ZNF532: variants seen among roughly 807,000 people sequenced by gnomAD.
The protein encoded by ZNF532 is zinc finger protein 532.
ZNF532 carries 22 observed loss-of-function variants against 89.3 expected under a neutral mutation model. That is an observed-to-expected ratio of 0.25 (90% CI 0.18 to 0.35). The LOEUF (loss-of-function observed/expected upper bound fraction) is 0.35, where lower values mean the gene tolerates loss of function less well. Among genes scored for constraint, ZNF532 ranks in the 10% least tolerant of loss-of-function variants. ZNF532 has a pLI of 1.00. For missense variants in ZNF532, 1,132 were observed against 1,643.4 expected (o/e 0.69, Z 5.38); for synonymous variants, 606 against 649.6 (o/e 0.93, Z 1.02).
chr18:58,972,265 T>C (rs1247806678), intron 7 of ZNF532, among the ~76,000 whole-genome samples: 2 of 150,646 alleles, frequency 1.3e-5, no homozygotes, highest in Admixed American at 6.6e-5. Context: ...TGAAAAAGAA[T>C]TAGTTTGAAA....
intron 5 of ZNF532, among the ~76,000 whole-genome samples, chr18:58,947,022 C>T (rs570611028): frequency 6.6e-6 from 1 of 152,234 alleles, no homozygotes; most frequent in African/African-American, 2.4e-5. Context: ...GGTAAAACCT[C>T]AACTTCTCTC....
At chr18:58,873,989 A>G (rs1016542618) in intron 2 of ZNF532, among the ~76,000 whole-genome samples, 4 of 137,502 alleles carry the variant, frequency 2.9e-5, no homozygotes, top group African/African-American at 1.2e-4. Context: ...TTAAATGCAT[A>G]TATAAAGTGT....
intron 3 of ZNF532, among the ~76,000 whole-genome samples, chr18:58,922,191 A>G (rs1291837523): frequency 6.6e-6 from 1 of 152,072 alleles, no homozygotes; most frequent in African/African-American, 2.4e-5. Context: ...ACATCTCTAT[A>G]AAGATTTAAC....
chr18:58,913,368 C>T (rs890950120), intron 2 of ZNF532, among the ~76,000 whole-genome samples: 6 of 152,076 alleles, frequency 3.9e-5, no homozygotes, highest in Admixed American at 1.3e-4. Context: ...TGAAACATTA[C>T]GTAATATAAA....
chr18:58,864,209 C>T (rs1000579530), upstream of ZNF532: 1 of 152,332 alleles, frequency 6.6e-6, no homozygotes, highest in Non-Finnish European at 1.5e-5. Context: ...TTGGACTTCT[C>T]CCCCCAGGTG....
chr18:58,958,555 G>A (rs2065026460), intron 7 of ZNF532, among the ~76,000 whole-genome samples: 1 of 152,172 alleles, frequency 6.6e-6, no homozygotes, highest in Admixed American at 6.5e-5. Flanking sequence ...CAAGTTGTAT[G>A]TCCATTTTAT....
chr18:58,894,270 G>A (rs553083396), intron 2 of ZNF532, among the ~76,000 whole-genome samples: 4 of 152,184 alleles, frequency 2.6e-5, no homozygotes, highest in African/African-American at 9.6e-5. Flanking sequence ...TTTGAGACCA[G>A]CCCGGCTAAC....
chr18:58,965,437 C>A (rs1206514040), intron 7 of ZNF532, among the ~76,000 whole-genome samples: 2 of 152,248 alleles, frequency 1.3e-5, no homozygotes, highest in Non-Finnish European at 2.9e-5. Flanking sequence ...AGCCCAGACT[C>A]TGCAGTTTGC....
chr18:58,961,929 G>A (rs780059714), intron 7 of ZNF532, among the ~76,000 whole-genome samples: 6 of 152,098 alleles, frequency 3.9e-5, no homozygotes, highest in Non-Finnish European at 8.8e-5. Context: ...TGGAATAGAA[G>A]GGATTCTAGG....
rs1462195600 is a variant in ZNF532, at chr18:58,984,677, G to A, written c.*211G>A. 5 of 490,502 alleles carry A rather than the reference G, an allele frequency of 1.0e-5. No individual in the cohort carries two copies. Among genetic ancestry groups the A allele is most frequent in the Non-Finnish European group, 1.7e-5 (5 of 287,832 alleles). 30.4% of individuals were successfully genotyped at this position (490,502 alleles called of 1,614,324 possible). A position where few individuals can be genotyped will look rare whatever the true frequency, so the allele number is the denominator to read the frequency against. ...TAAAAGAGTTTGTATATATTTAAATGAATAACTTTTTATACTCTTTGTTAC... is the reference window on the plus strand; with the variant it reads ...TAAAAGAGTTTGTATATATTTAAATAAATAACTTTTTATACTCTTTGTTAC... On this transcript the variant is annotated 3_prime_UTR_variant, in exon 10 of 10. Coordinates refer to ENST00000591808, the MANE Select transcript of ZNF532 (RefSeq NM_001375912.1).
chr18:58,947,605 G>A (rs908808157), intron 5 of ZNF532, among the ~76,000 whole-genome samples: 9 of 152,006 alleles, frequency 5.9e-5, no homozygotes, highest in Non-Finnish European at 1.3e-4. Context: ...ATGTAAAATT[G>A]CTACTGACTC....
chr18:58,867,474 A>G (rs1410412844), intron 2 of ZNF532, among the ~76,000 whole-genome samples: 1 of 152,070 alleles, frequency 6.6e-6, no homozygotes, highest in African/African-American at 2.4e-5. Context: ...GCTGAGGTAT[A>G]ACAATGTAGC....
chr18:58,899,183 C>T (rs528067376), intron 2 of ZNF532, among the ~76,000 whole-genome samples: 74 of 152,300 alleles, frequency 4.9e-4, no homozygotes, highest in Non-Finnish European at 2.9e-4. Flanking sequence ...TTCACTCCAG[C>T]GTGGACTTCT....
intron 8 of ZNF532, chr18:58,981,267 T>C: frequency 1.6e-6 from 1 of 628,168 alleles, no homozygotes; most frequent in East Asian, 2.8e-5. Flanking sequence ...ATATTTTCCC[T>C]TTAAAATTAA....
intron 3 of ZNF532, among the ~76,000 whole-genome samples, chr18:58,930,850 A>G (rs1410224814): frequency 6.6e-6 from 1 of 151,982 alleles, no homozygotes; most frequent in Non-Finnish European, 1.5e-5. Context: ...GTTATACTGG[A>G]TTTTTTATTG....
intron 2 of ZNF532, among the ~76,000 whole-genome samples, chr18:58,893,917 C>A (rs528019829): frequency 1.1e-4 from 16 of 152,154 alleles, no homozygotes; most frequent in Non-Finnish European, 1.6e-4. Flanking sequence ...CTGAATCTCA[C>A]TGGGCTCATT....
intron 7 of ZNF532, among the ~76,000 whole-genome samples, chr18:58,976,817 C>T (rs748461995): frequency 8.5e-5 from 13 of 152,116 alleles, no homozygotes; most frequent in Admixed American, 1.3e-4. Context: ...CGCCCAGCCT[C>T]AGTTGATTTT....
In ZNF532 at chr18:58,961,950, C is replaced by T. The variant is rs574820569; in HGVS notation, c.3150+8151C>T. 2.9e-4 allele frequency among the ~76,000 whole-genome samples: 44 copies of T among 152,234 alleles called. No individual in the cohort carries two copies. In the South Asian group the frequency reaches 7.7e-3, roughly 27 times the overall value. ...AGAAGGGATTCTAGGGTCGGCTGGG[C>T]ATGGTGGGTCATGCCTGTAATCCCA... is the stretch of plus-strand genomic sequence containing the variant. On this transcript the variant is annotated intron_variant, in intron 7 of 9. Transcript: ENST00000591808.
At chr18:58,948,333 A>G in intron 6 of ZNF532, 104 bp downstream of exon 6, 2 of 1,220,498 alleles carry the variant, frequency 1.6e-6, no homozygotes, top group South Asian at 1.5e-5. Flanking sequence ...CTCACTGTCG[A>G]GGGAAGGGAT....
Sources: gnomAD v4.1 joint callset for allele counts (sites outside exome capture counted in the v4.1 genomes callset) on GRCh38, gnomAD v4.1.1 for gene constraint, MANE v1.5 for transcripts, NCBI Gene and HGNC (gene_info 2026-07-23, HGNC 2026-07-21) for gene names.